Variants in SKAP1 observed in about 807,000 individuals in gnomAD.
SKAP1 encodes the protein src kinase associated phosphoprotein 1.
A neutral mutation model predicts 58.5 loss-of-function variants in SKAP1; 44 were observed. That is an observed-to-expected ratio of 0.75 (90% confidence interval 0.59 to 0.97). SKAP1 has a LOEUF of 0.97. Ranked by LOEUF, SKAP1 falls within the 50% of genes least tolerant of loss-of-function variation. The probability of loss-of-function intolerance (pLI) is 0.00; values close to 1 mark genes in which losing one functional copy is unlikely to be tolerated. For missense variants in SKAP1, 390 were observed against 435.2 expected (o/e 0.90, Z 0.92); for synonymous variants, 127 against 149.7 (o/e 0.85, Z 1.11).
chr17:48,208,766 A>T (rs780131879), intron 4 of SKAP1, among the ~76,000 whole-genome samples: 1 of 152,242 alleles, frequency 6.6e-6, no homozygotes, highest in Non-Finnish European at 1.5e-5. Flanking sequence ...TTTGACAGTT[A>T]CAAAATCACC....
chr17:48,298,251 T>C (rs2066007667), intron 4 of SKAP1, among the ~76,000 whole-genome samples: 1 of 152,232 alleles, frequency 6.6e-6, no homozygotes. Flanking sequence ...CATTAGAGTA[T>C]TTTATTATCT....
At chr17:48,261,709 A>G (rs143615087) in intron 4 of SKAP1, among the ~76,000 whole-genome samples, 2 of 152,340 alleles carry the variant, frequency 1.3e-5, no homozygotes, top group Non-Finnish European at 2.9e-5. Flanking sequence ...GCTAATTAAT[A>G]GAGTTTGTTA....
intron 4 of SKAP1, among the ~76,000 whole-genome samples, chr17:48,219,005 G>GA (rs1306482438): frequency 3.9e-5 from 6 of 151,992 alleles, no homozygotes; most frequent in African/African-American, 7.2e-5. Context: ...AAGAGAAATA[G>GA]AAAAAATATA....
chr17:48,190,963 C>T (rs559844927), intron 4 of SKAP1, among the ~76,000 whole-genome samples: 3 of 152,218 alleles, frequency 2.0e-5, no homozygotes, highest in African/African-American at 4.8e-5. Context: ...CCAGCATGGG[C>T]GACAGGATGA....
chr17:48,306,072 T>A (rs1341837496), intron 4 of SKAP1, among the ~76,000 whole-genome samples: 1 of 152,198 alleles, frequency 6.6e-6, no homozygotes, highest in Non-Finnish European at 1.5e-5. Flanking sequence ...TTTTCTTTAT[T>A]CTTTCTAAAA....
At chr17:48,183,565 T>C (rs1197037270) in intron 7 of SKAP1, among the ~76,000 whole-genome samples, 1 of 152,188 alleles carries the variant, frequency 6.6e-6, no homozygotes, top group African/African-American at 2.4e-5. Flanking sequence ...TTAATAGACA[T>C]TGTTATTCTT....
intron 4 of SKAP1, among the ~76,000 whole-genome samples, chr17:48,281,238 A>G (rs1365151013): frequency 2.0e-5 from 3 of 151,956 alleles, no homozygotes; most frequent in Non-Finnish European, 4.4e-5. Context: ...GTTGGCCAGG[A>G]TGGTCTTGAT....
intron 2 of SKAP1, among the ~76,000 whole-genome samples, chr17:48,371,153 A>G (rs1409482745): frequency 6.6e-6 from 1 of 152,202 alleles, no homozygotes; most frequent in Non-Finnish European, 1.5e-5. Context: ...AAAGAGGGGT[A>G]GGAGTTGAAA....
intron 2 of SKAP1, among the ~76,000 whole-genome samples, chr17:48,382,861 G>A (rs1024864199): frequency 1.3e-5 from 2 of 152,200 alleles, no homozygotes; most frequent in Admixed American, 6.5e-5. Context: ...AAAAAAGGAC[G>A]TTGAACCCAA....
intron 9 of SKAP1, 31 bp from the exon 10 acceptor site, chr17:48,170,690 T>C (rs542248070): frequency 1.3e-6 from 2 of 1,583,874 alleles, no homozygotes. Flanking sequence ...TATTAGCAAT[T>C]AGTGGTTCAC....
chr17:48,210,365 G>A lies in SKAP1; in HGVS notation c.281-20865C>T, dbSNP rs553471176. 3.9e-5 allele frequency among the ~76,000 whole-genome samples: 6 copies of A among 152,274 alleles called. No homozygotes were observed. The South Asian group carries it at 8.3e-4, about 21-fold the overall frequency. On this transcript the variant is annotated intron_variant, in intron 4 of 12. Transcript: ENST00000336915. ...ATTATCTGGAGTGGGGCTGAGGCAT[G>A]TTTATTTTTACAAAGTTCTATGAGT...
chr17:48,321,164 T>C (rs980653606), intron 4 of SKAP1, among the ~76,000 whole-genome samples: 4 of 152,076 alleles, frequency 2.6e-5, no homozygotes, highest in Non-Finnish European at 5.9e-5. Flanking sequence ...TTTGTATATG[T>C]TTTCTAATTA....
At chr17:48,149,392 A>T (rs992687911) in intron 11 of SKAP1, among the ~76,000 whole-genome samples, 5 of 152,184 alleles carry the variant, frequency 3.3e-5, no homozygotes, top group Non-Finnish European at 5.9e-5. Context: ...AGACAAATGG[A>T]AGAGAGTTGC....
intron 11 of SKAP1, among the ~76,000 whole-genome samples, chr17:48,147,494 G>A (rs1255425083): frequency 6.6e-6 from 1 of 152,138 alleles, no homozygotes; most frequent in Non-Finnish European, 1.5e-5. Flanking sequence ...AATAAATTAA[G>A]GGCTCCAAAT....
At chr17:48,137,378 C>T (rs2063714266) in intron 11 of SKAP1, 41 bp from the exon 12 acceptor site, 2 of 1,342,976 alleles carry the variant, frequency 1.5e-6, no homozygotes, top group South Asian at 1.2e-5. Context: ...AGAATTTGTT[C>T]ATGCTTCTGC....
chr17:48,193,567 G>T, intron 4 of SKAP1: 2 of 369,636 alleles, frequency 5.4e-6, no homozygotes, highest in Non-Finnish European at 7.5e-6. Context: ...AATGTAGTTG[G>T]CTCTGAGCTC....
chr17:48,337,980 T>A (rs12450014), intron 4 of SKAP1, among the ~76,000 whole-genome samples: 50,592 of 151,652 alleles, frequency 0.33, 9,129 homozygotes, highest in African/African-American at 0.47. Context: ...ACACTTAGTA[T>A]CTTCCTTCCT....
rs1004330182 is a variant in SKAP1 at position 48,259,006 on chromosome 17, G to A, written c.281-69506C>T. 2.6e-4 allele frequency among the ~76,000 whole-genome samples: 39 copies of A among 151,972 alleles called. 1 individual carries two copies. Among genetic ancestry groups the A allele is most frequent in the Admixed American group, 2.5e-3 (38 of 15,254 alleles). On this transcript the variant is annotated intron_variant, in intron 4 of 12. Transcript: ENST00000336915. ...TACTTTCCAAACTATACTTAAAATTGAGTCTAGTTATATTGTATGAAAATT... is the reference window on the plus strand; with the variant it reads ...TACTTTCCAAACTATACTTAAAATTAAGTCTAGTTATATTGTATGAAAATT...
Position 48,307,015 on chromosome 17 carries a change from C to T in SKAP1, c.280+38890G>A, listed in dbSNP as rs189547877. On this transcript the variant is annotated intron_variant, in intron 4 of 12. Transcript: ENST00000336915. The stretch of plus-strand genomic sequence containing the variant: ...CCCACGAAGGATTATGTTGAATTCC[C>T]AGACAAGTATAATTTTCATCTGCAT... Among the ~76,000 whole-genome samples the T allele has an allele frequency of 1.6e-3, 241 of 152,200 alleles. 2 individuals carry two copies. The highest frequency in any genetic ancestry group is 5.6e-3 in the African/African-American group (234 of 41,514).
Sources: allele counts gnomAD v4.1 joint callset (sites outside exome capture counted in the v4.1 genomes callset), GRCh38; gene constraint gnomAD v4.1.1; transcripts MANE v1.5; gene names NCBI Gene and HGNC (gene_info 2026-07-23, HGNC 2026-07-21).